Variants in APAF1 observed in about 807,000 individuals in gnomAD.
APAF1 encodes the protein apoptotic protease-activating factor 1.
Under a neutral mutation model 152.4 loss-of-function variants are expected in APAF1, and 91 were observed. The ratio of observed to expected loss-of-function variants is 0.60; its 90% CI spans 0.50 to 0.71. The LOEUF (loss-of-function observed/expected upper bound fraction) is 0.71, where lower values mean the gene tolerates loss of function less well. APAF1 is among the 30% of genes least tolerant of loss of function. The pLI, the probability that APAF1 is intolerant of heterozygous loss-of-function variation, is 0.00. For synonymous variants in APAF1, 484 were observed against 494.1 expected (o/e 0.98, Z 0.27); for missense variants, 1,283 against 1,472.0 (o/e 0.87, Z 2.10).
intron 7 of APAF1, among the ~76,000 whole-genome samples, chr12:98,665,276 A>ATTTTTTTTTT (rs1198534474): frequency 1.5e-5 from 1 of 67,876 alleles, no homozygotes; most frequent in Non-Finnish European, 2.9e-5. Flanking sequence ...ATATATATAT[A>ATTTTTTTTTT]TATTTTTTTT....
In APAF1 at chr12:98,732,536, T is replaced by C. The variant is rs770194972; in HGVS notation, c.3717T>C (p.Gly1239=). The C allele has an allele frequency of 6.4e-7, 1 of 1,561,682 alleles. No homozygotes were observed. The highest frequency in any genetic ancestry group is 8.8e-7 in the Non-Finnish European group (1 of 1,132,268). ...CATATGTGACTGTGGATAATCTTGGTATTTTATATATTTTACAGACTTTAG... is the reference window on the plus strand; with the variant it reads ...CATATGTGACTGTGGATAATCTTGGCATTTTATATATTTTACAGACTTTAG... ...FKTYVTVDNL[G]ILYILQTLE is the part of the protein sequence containing the mutation. The change falls in exon 27 of 27, where the codon GGT becomes GGC. Residue 1239 remains glycine (G), a synonymous_variant. Transcript: ENST00000551964.
At chr12:98,721,473 G>A (rs1243666908) in intron 22 of APAF1, among the ~76,000 whole-genome samples, 1 of 152,198 alleles carries the variant, frequency 6.6e-6, no homozygotes, top group African/African-American at 2.4e-5. Flanking sequence ...AGAGCCAGGA[G>A]TTTCCTAGTA....
chr12:98,664,315 C>A (rs911851484), intron 7 of APAF1, among the ~76,000 whole-genome samples: 10 of 152,012 alleles, frequency 6.6e-5, no homozygotes, highest in Admixed American at 4.6e-4. Flanking sequence ...CCACACGTGG[C>A]CAGTTTTGTT....
chr12:98,705,916 A>G (rs2097720896), intron 18 of APAF1, among the ~76,000 whole-genome samples: 1 of 152,208 alleles, frequency 6.6e-6, no homozygotes, highest in Non-Finnish European at 1.5e-5. Context: ...AATGCGTTAT[A>G]TTCAGAGAAG....
Position 98,685,316 on chromosome 12 carries a change from A to G in APAF1, c.2179-1432A>G, listed in dbSNP as rs138330341. Among the ~76,000 whole-genome samples the G allele has an allele frequency of 1.5e-3, 232 of 151,382 alleles. 3 individuals carry two copies. The highest frequency in any genetic ancestry group is 0.013 in the Admixed American group (200 of 15,200). ...TTCAACAATTATCAGTATTTTGTCAATCTTATTTTATAAATACCCCTCCCT... is the reference window on the plus strand; with the variant it reads ...TTCAACAATTATCAGTATTTTGTCAGTCTTATTTTATAAATACCCCTCCCT... On this transcript the variant is annotated intron_variant, in intron 15 of 26. Transcript: ENST00000551964.
intron 4 of APAF1, among the ~76,000 whole-genome samples, chr12:98,655,712 C>T (rs2097656438): frequency 6.6e-6 from 1 of 152,096 alleles, no homozygotes; most frequent in Non-Finnish European, 1.5e-5. Context: ...TTTCCAGGCT[C>T]AGGTCATCCT....
chr12:98,671,504 G>C, intron 11 of APAF1, 31 bp from the exon 12 acceptor site: 2 of 1,601,236 alleles, frequency 1.2e-6, no homozygotes, highest in Non-Finnish European at 1.7e-6. Context: ...GGCTCTGATT[G>C]TGTTTCTAAG....
chr12:98,715,042 T>A (rs2153340099), intron 21 of APAF1, among the ~76,000 whole-genome samples: 1 of 149,544 alleles, frequency 6.7e-6, no homozygotes, highest in Admixed American at 6.7e-5. Flanking sequence ...AGGACTTACT[T>A]ACTTTCTTCT....
Position 98,708,611 on chromosome 12 carries a change from G to A in APAF1, c.2748G>A (p.Lys916=), listed in dbSNP as rs755943177. ...TCTGGGAGACAAAGAAAGTATGTAA[G>A]AACTCTGCTGTAATGTTAAAGCAAG... is the stretch of plus-strand genomic sequence containing the variant. The part of the protein sequence containing the change: ...IRLWETKKVC[K]NSAVMLKQEV... The change falls in exon 20 of 27, where the codon AAG becomes AAA. Residue 916 remains lysine, a synonymous_variant. Coordinates refer to ENST00000551964, the MANE Select transcript of APAF1 (RefSeq NM_181861.2). 4.6e-5 allele frequency: 74 copies of A among 1,613,372 alleles called. No homozygotes were observed. The highest frequency in any genetic ancestry group is 6.0e-5 in the Non-Finnish European group (71 of 1,179,650).
Position 98,735,397 on chromosome 12 carries a change from T to G in APAF1, c.*2831T>G. 2.3e-6 allele frequency: 1 copy of G among 429,192 alleles called. No individual in the cohort carries two copies. Among genetic ancestry groups the G allele is most frequent in the Admixed American group, 4.0e-5 (1 of 25,212 alleles). The allele number at this position is 429,192 out of a possible 1,614,324, so 26.6% of individuals were successfully genotyped here. ...TTAAAATATGAATTTAAAAAATTTT[T>G]GTAAAAATAAAATTCACAAAATTGT... On this transcript the variant is annotated 3_prime_UTR_variant, in exon 27 of 27. Coordinates refer to ENST00000551964, the MANE Select transcript of APAF1 (RefSeq NM_181861.2).
chr12:98,652,140 A>G (rs1248203884), intron 4 of APAF1, among the ~76,000 whole-genome samples: 1 of 151,840 alleles, frequency 6.6e-6, no homozygotes, highest in Non-Finnish European at 1.5e-5. Flanking sequence ...TTTTGTAGAG[A>G]CAGGTTTTTG....
intron 16 of APAF1, among the ~76,000 whole-genome samples, chr12:98,692,171 C>T (rs571613993): frequency 6.6e-6 from 1 of 152,294 alleles, no homozygotes; most frequent in South Asian, 2.1e-4. Flanking sequence ...CAAGCTCCGC[C>T]TCCTGGGTTC....
chr12:98,688,824 C>CT (rs1222509500), intron 16 of APAF1, among the ~76,000 whole-genome samples: 5 of 149,428 alleles, frequency 3.3e-5, no homozygotes, highest in Admixed American at 6.7e-5. Flanking sequence ...TTCTTTCTTT[C>CT]TTTTTTTTGA....
In APAF1 at chr12:98,733,946, T is replaced by C. The variant is rs994191785; in HGVS notation, c.*1380T>C. Reference sequence around the variant, plus strand: ...CCTGATCTTTCCTAATCCTCACTTTTTTCTTTTTTAAAAAGCAGTTTCTCC... The same window carrying C: ...CCTGATCTTTCCTAATCCTCACTTTCTTCTTTTTTAAAAAGCAGTTTCTCC... On this transcript the variant is annotated 3_prime_UTR_variant, in exon 27 of 27. Transcript: ENST00000551964. The C allele has an allele frequency of 2.6e-5, 4 of 152,362 alleles. No individual in the cohort carries two copies. Among genetic ancestry groups the C allele is most frequent in the Middle Eastern group, 3.4e-3 (1 of 294 alleles). 9.4% of individuals were successfully genotyped at this position (152,362 alleles called of 1,614,324 possible).
chr12:98,645,627 C>G lies in APAF1; in HGVS notation c.-250C>G, dbSNP rs1157722743. 6.6e-6 allele frequency: 1 copy of G among 152,288 alleles called. No individual in the cohort carries two copies. Among genetic ancestry groups the G allele is most frequent in the East Asian group, 1.9e-4 (1 of 5,180 alleles). The allele number at this position is 152,288 out of a possible 1,614,324, so 9.4% of individuals were successfully genotyped here. A position where few individuals can be genotyped will look rare whatever the true frequency, so the allele number is the denominator to read the frequency against. On this transcript the variant is annotated 5_prime_UTR_variant, in exon 1 of 27. Transcript: ENST00000551964. Reference sequence around the variant, plus strand: ...ACCTTCGGAGGTCCCTGGGGGTCTTCGTGCGCCCCGGGGCTGCAGAGATCC... The same window carrying G: ...ACCTTCGGAGGTCCCTGGGGGTCTTGGTGCGCCCCGGGGCTGCAGAGATCC...
intron 26 of APAF1, among the ~76,000 whole-genome samples, chr12:98,731,934 A>G (rs2097762409): frequency 6.6e-6 from 1 of 152,208 alleles, no homozygotes; most frequent in African/African-American, 2.4e-5. Flanking sequence ...GGGCTCTTGC[A>G]TCACACCTGG....
chr12:98,717,801 C>T (rs1402129243), intron 22 of APAF1, among the ~76,000 whole-genome samples: 2 of 152,128 alleles, frequency 1.3e-5, no homozygotes, highest in African/African-American at 4.8e-5. Flanking sequence ...TCTCAGTGGT[C>T]ATTGGCTATC....
At position 98,715,472 on chromosome 12, in the gene APAF1, C is replaced by T; in HGVS notation, c.3004C>T (p.His1002Tyr). The change falls in exon 22 of 27, where the codon CAC (histidine) becomes TAC (tyrosine). Residue 1002 changes from histidine to tyrosine, a missense_variant. His to Tyr is a moderately conservative substitution (Grantham distance 83). Coordinates refer to ENST00000551964, the MANE Select transcript of APAF1 (RefSeq NM_181861.2). ...NNRIFQSRFQHKKTVWHIQFT... is the reference protein window; with the variant it reads ...NNRIFQSRFQYKKTVWHIQFT... ...TAGAATCTTCCAGTCCAGGTTTCAG[C>T]ACAAGAAAACTGTATGGCACATCCA... The T allele has an allele frequency of 6.2e-7, 1 of 1,613,202 alleles. No individual in the cohort carries two copies. Among genetic ancestry groups the T allele is most frequent in the Non-Finnish European group, 8.5e-7 (1 of 1,179,560 alleles).
At chr12:98,667,765 ATTTTTTT>A (rs71305589) in intron 10 of APAF1, 121 bp downstream of exon 10, 16 of 322,476 alleles carry the variant, frequency 5.0e-5, no homozygotes, top group East Asian at 3.2e-4. Context: ...TTTCCATTTG[ATTTTTTT>A]TTTTTTTTTT....
Sources: allele counts gnomAD v4.1 joint callset (sites outside exome capture counted in the v4.1 genomes callset), GRCh38; gene constraint gnomAD v4.1.1; transcripts MANE v1.5; gene names NCBI Gene and HGNC (gene_info 2026-07-23, HGNC 2026-07-21).